Variants in SLC25A38 observed in about 807,000 individuals in gnomAD.
SLC25A38 encodes the protein solute carrier family 25 member 38, also known as mitochondrial glycine transporter.
A neutral mutation model predicts 33.4 loss-of-function variants in SLC25A38; 27 were observed. The observed-to-expected ratio is 0.81, with a 90% CI of 0.60 to 1.11. The LOEUF (loss-of-function observed/expected upper bound fraction) is 1.11, where lower values mean the gene tolerates loss of function less well. SLC25A38 is among the 50% of genes most tolerant of loss of function. The pLI, the probability that SLC25A38 is intolerant of heterozygous loss-of-function variation, is 0.00. For missense variants in SLC25A38, 344 were observed against 388.8 expected, an observed-to-expected ratio of 0.88 and a Z score of 0.97; for synonymous variants, 123 against 145.9, an observed-to-expected ratio of 0.84 and a Z score of 1.13.
At chr3:39,391,136 G>T (rs2125579329) in intron 3 of SLC25A38, among the ~76,000 whole-genome samples, 1 of 152,312 alleles carries the variant, frequency 6.6e-6, no homozygotes, top group South Asian at 2.1e-4. Flanking sequence ...ATGAGAGTTG[G>T]TGTTTAAAAT....
At chr3:39,390,931 G>A (rs143114667) in intron 3 of SLC25A38, among the ~76,000 whole-genome samples, 2 of 152,302 alleles carry the variant, frequency 1.3e-5, no homozygotes, top group East Asian at 3.9e-4. Context: ...TCCCAGTAAT[G>A]TACTTCAGAG....
Position 39,389,593 on chromosome 3 carries a change from A to C in SLC25A38, c.168A>C (p.Gln56His). The C allele has an allele frequency of 6.2e-7, 1 of 1,614,126 alleles. No homozygotes were observed. The highest frequency in any genetic ancestry group is 8.5e-7 in the Non-Finnish European group (1 of 1,180,018). Residue 56 changes from glutamine (Q) to histidine (H), a missense_variant, in exon 2 of 7, where the codon CAA becomes CAC. Gln to His is a conservative substitution (Grantham distance 24). Transcript: ENST00000650617. The surrounding 1 kb of genome is among the most constrained non-coding windows in gnomAD (Gnocchi z 4.5). ...TGGATCTCCTTAAAACACGCCTGCA[A>C]ACCCTCCAGCCCTCAGATCATGGGT... ...QPLDLLKTRLQTLQPSDHGSR... is the reference protein window; with the variant it reads ...QPLDLLKTRLHTLQPSDHGSR...
chr3:39,384,514 T>A lies in SLC25A38; in HGVS notation c.69+721T>A, dbSNP rs978462284. Reference sequence around the variant, plus strand: ...CCCGAGGTAGGGGCGGCTTTTATTTTTTTTTTTAATCCTTAAAGGCGGAGA... The same window carrying A: ...CCCGAGGTAGGGGCGGCTTTTATTTATTTTTTTAATCCTTAAAGGCGGAGA... On this transcript the variant is annotated intron_variant, in intron 1 of 6. Transcript: ENST00000650617. The A allele has an allele frequency of 2.5e-4, 100 of 393,746 alleles. 1 individual carries two copies. Among genetic ancestry groups the A allele is most frequent in the East Asian group, 2.1e-3 (58 of 27,842 alleles). The allele number at this position is 393,746 out of a possible 1,614,324, so 24.4% of individuals were successfully genotyped here.
At chr3:39,391,772 C>T (rs2041771863) in intron 4 of SLC25A38, 81 bp from the exon 5 acceptor site, 1 of 1,600,624 alleles carries the variant, frequency 6.2e-7, no homozygotes, top group Admixed American at 1.7e-5. Context: ...CATGGTAATG[C>T]CCCATAACCT....
chr3:39,396,304 A>G (rs915170726), intron 6 of SLC25A38, 94 bp from the exon 7 acceptor site: 1 of 1,577,010 alleles, frequency 6.3e-7, no homozygotes, highest in African/African-American at 1.3e-5. Context: ...AGTCTTAAAC[A>G]TGGGATAACA....
In SLC25A38 at chr3:39,383,405, A is replaced by C; in HGVS notation, c.-320A>C. 2.6e-6 allele frequency: 1 copy of C among 382,248 alleles called. No homozygotes were observed. The highest frequency in any genetic ancestry group is 5.8e-5 in the East Asian group (1 of 17,298). 23.7% of individuals were successfully genotyped at this position (382,248 alleles called of 1,614,324 possible). ...CGGCGCTTCCTCCACCCCGGGATAC[A>C]CAGAACCTCATCTCCTACGGTGCTG... On this transcript the variant is annotated 5_prime_UTR_variant, in exon 1 of 7. Transcript: ENST00000650617.
chr3:39,394,972 A>AG lies in SLC25A38; in HGVS notation c.792+396_792+397insG, dbSNP rs398105786. ...CTATTTAGTCAGAGGGAAAAAAAAA[A>AG]CCCACACAAACACATTGTTTTATTC... is the stretch of plus-strand genomic sequence containing the variant. On this transcript the variant is annotated intron_variant, in intron 6 of 6. Coordinates refer to ENST00000650617, the MANE Select transcript of SLC25A38 (RefSeq NM_017875.4). Among the ~76,000 whole-genome samples, 3 of 151,630 alleles carry AG rather than the reference A, an allele frequency of 2.0e-5. No homozygotes were observed. In the East Asian group the frequency reaches 5.8e-4, roughly 29 times the overall value.
Position 39,394,452 on chromosome 3 carries a change from G to A in SLC25A38, c.668G>A (p.Cys223Tyr). Residue 223 changes from cysteine to tyrosine, a missense_variant, in exon 6 of 7, where the codon TGT becomes TAT. Transcript: ENST00000650617. The stretch of plus-strand genomic sequence containing the variant: ...CTTATTCCTATTACAAATTTCAGCT[G>A]TGGGATATTTGCTGGTATTCTGGCC... ...ATLIPITNFS[C>Y]GIFAGILASL... 6.2e-7 allele frequency: 1 copy of A among 1,613,752 alleles called. No individual in the cohort carries two copies. Among genetic ancestry groups the A allele is most frequent in the Non-Finnish European group, 8.5e-7 (1 of 1,180,030 alleles).
chr3:39,394,688 C>G, intron 6 of SLC25A38, 112 bp downstream of exon 6: 1 of 1,302,698 alleles, frequency 7.7e-7, no homozygotes, highest in Non-Finnish European at 1.1e-6. Flanking sequence ...TTTAAAAATC[C>G]CCATGCCCAG....
rs776489439 is a variant in SLC25A38 at position 39,389,499 on chromosome 3, A to G, written c.74A>G (p.His25Arg). ...VGDTVETLML[H>R]PVIKAFLCGS... is the part of the protein sequence containing the mutation. ...CAATATTGTCTTATCCTGCAGTTAC[A>G]TCCGGTGATCAAGGCTTTCCTGTGT... Residue 25 changes from histidine to arginine, a missense_variant, in exon 2 of 7, where the codon CAT becomes CGT. His to Arg is a conservative substitution (Grantham distance 29). This residue lies in a region of SLC25A38 where 269 missense variants were observed against 271.8 expected (regional missense o/e 0.99). Transcript: ENST00000650617. The surrounding 1 kb of genome is among the most constrained non-coding windows in gnomAD (Gnocchi z 4.5). 2 of 1,614,194 alleles carry G rather than the reference A, an allele frequency of 1.2e-6. No homozygotes were observed. Among genetic ancestry groups the G allele is most frequent in the East Asian group, 4.5e-5 (2 of 44,882 alleles).
intron 1 of SLC25A38, chr3:39,388,270 T>C (rs1378071665): frequency 6.6e-6 from 1 of 152,204 alleles, no homozygotes; most frequent in African/African-American, 2.4e-5. Context: ...CCTGTTGTCT[T>C]ATCAGACCAC....
At chr3:39,396,272 T>C in intron 6 of SLC25A38, 126 bp from the exon 7 acceptor site, 1 of 1,484,710 alleles carries the variant, frequency 6.7e-7, no homozygotes, top group Non-Finnish European at 9.3e-7. Context: ...ATTCTTACTT[T>C]GGGCATAAAG....
intron 1 of SLC25A38, among the ~76,000 whole-genome samples, chr3:39,386,769 T>C (rs1182051565): frequency 6.6e-6 from 1 of 152,030 alleles, no homozygotes; most frequent in Non-Finnish European, 1.5e-5. Context: ...AGAGGCCAAG[T>C]CCAAGGATGG....
rs376636591 is a variant in SLC25A38, at chr3:39,396,411, G to A, written c.806G>A (p.Arg269His). 17 of 1,613,948 alleles carry A rather than the reference G, an allele frequency of 1.1e-5. No homozygotes were observed. Among genetic ancestry groups the A allele is most frequent in the Non-Finnish European group, 1.4e-5 (16 of 1,180,010 alleles). ...VTLIFKDYGL[R>H]GFFQGGIPRA... is the part of the protein sequence containing the mutation. ...TTTTCACCATAGGACTATGGACTAC[G>A]TGGCTTCTTCCAAGGTGGCATCCCC... The change falls in exon 7 of 7, where the codon CGT becomes CAT. Residue 269 changes from arginine to histidine, a missense_variant. Physicochemically the swap from Arg to His is conservative, Grantham distance 29 (BLOSUM62 0). Transcript: ENST00000650617.
intron 5 of SLC25A38, among the ~76,000 whole-genome samples, chr3:39,392,546 G>A (rs1221259738): frequency 6.6e-6 from 1 of 152,016 alleles, no homozygotes; most frequent in Non-Finnish European, 1.5e-5. Context: ...GGAGATGAAG[G>A]TGTCAAACTT....
chr3:39,387,040 A>G (rs2041714917), intron 1 of SLC25A38, among the ~76,000 whole-genome samples: 1 of 152,150 alleles, frequency 6.6e-6, no homozygotes, highest in Non-Finnish European at 1.5e-5. Flanking sequence ...GGGAGAGGCC[A>G]GAGAAGTGGG....
In SLC25A38 at chr3:39,391,882, C is replaced by T. The variant is rs531290475; in HGVS notation, c.486C>T (p.Tyr162=). The T allele has an allele frequency of 8.1e-5, 130 of 1,613,862 alleles. No homozygotes were observed. Among genetic ancestry groups the T allele is most frequent in the Middle Eastern group, 3.4e-4 (2 of 5,838 alleles). ...GGAAATATGGCTATGAGAGTATCTA[C>T]GCTGCCCTGAGGAGCATCTATCACA... ...ESGKYGYESI[Y]AALRSIYHSE... is the part of the protein sequence containing the mutation. Residue 162 remains tyrosine (Y), a synonymous_variant, in exon 5 of 7, where the codon TAC becomes TAT. Transcript: ENST00000650617.
rs570194810 is a variant in SLC25A38, at chr3:39,392,226, C to G, written c.625+205C>G. 2.5e-4 allele frequency among the ~76,000 whole-genome samples: 29 copies of G among 115,034 alleles called. 1 individual carries two copies. The South Asian group carries it at 8.3e-3, about 33-fold the overall frequency. The allele number at this position is 115,034 out of a possible 152,430, so 75.5% of individuals were successfully genotyped here. On this transcript the variant is annotated intron_variant, in intron 5 of 6. Transcript: ENST00000650617. ...GGAGTTTACATCCTATTAAGGCAAA[C>G]AGTATTTACACCACTATAATTTGGC...
At chr3:39,388,632 G>C (rs922035105) in intron 1 of SLC25A38, among the ~76,000 whole-genome samples, 1 of 152,180 alleles carries the variant, frequency 6.6e-6, no homozygotes, top group Non-Finnish European at 1.5e-5. Context: ...GGAGAAGATA[G>C]CTATTTGTTT....
Sources: allele counts gnomAD v4.1 joint callset (sites outside exome capture counted in the v4.1 genomes callset), GRCh38; gene constraint gnomAD v4.1.1; regional missense constraint gnomAD v4.1.1; non-coding constraint Gnocchi (gnomAD v3.1); transcripts MANE v1.5; gene names NCBI Gene and HGNC (gene_info 2026-07-23, HGNC 2026-07-21).